Variants in CFI observed in about 807,000 individuals in gnomAD.
CFI encodes the protein complement factor I.
Under a neutral mutation model 78.8 loss-of-function variants are expected in CFI, and 66 were observed. The ratio of observed to expected loss-of-function variants is 0.84; its 90% CI spans 0.69 to 1.03. CFI has a LOEUF of 1.03. CFI is among the 50% of genes least tolerant of loss of function. CFI has a pLI of 0.00. For missense variants in CFI, 706 were observed against 704.5 expected (o/e 1.00, Z -0.02); for synonymous variants, 250 against 232.6 (o/e 1.07, Z -0.68).
At chr4:109,794,537 A>G (rs964425563) in intron 1 of CFI, 3 of 152,178 alleles carry the variant, frequency 2.0e-5, no homozygotes, top group African/African-American at 7.2e-5. Flanking sequence ...CATACCTGTA[A>G]TCCCAGCACT....
intron 1 of CFI, among the ~76,000 whole-genome samples, chr4:109,781,674 C>A (rs370346385): frequency 6.6e-6 from 1 of 152,054 alleles, no homozygotes. Context: ...CCAGCATCAC[C>A]CTTATACCAA....
chr4:109,753,047 ATTATATATTT>A (rs1725391900), intron 7 of CFI, among the ~76,000 whole-genome samples: 2 of 35,350 alleles, frequency 5.7e-5, no homozygotes, highest in African/African-American at 2.1e-4. Flanking sequence ...ATATATATTT[ATTATATATTT>A]ATATATAAAT....
chr4:109,745,508 T>G (rs994546903), intron 11 of CFI, among the ~76,000 whole-genome samples: 1 of 152,200 alleles, frequency 6.6e-6, no homozygotes, highest in Non-Finnish European at 1.5e-5. Flanking sequence ...TGTTGACTAG[T>G]TTAATTCTAA....
intron 8 of CFI, among the ~76,000 whole-genome samples, chr4:109,752,076 T>C (rs1162946466): frequency 2.0e-5 from 3 of 152,190 alleles, no homozygotes; most frequent in Non-Finnish European, 4.4e-5. Flanking sequence ...TTTAAAACAT[T>C]GTGAAAGAAT....
At chr4:109,783,649 T>C (rs1481664801) in intron 1 of CFI, among the ~76,000 whole-genome samples, 2 of 151,704 alleles carry the variant, frequency 1.3e-5, no homozygotes, top group East Asian at 3.9e-4. Flanking sequence ...AGAACTACCA[T>C]CAGATTCAGC....
At chr4:109,790,363 T>A (rs1731228850) in intron 1 of CFI, among the ~76,000 whole-genome samples, 1 of 152,158 alleles carries the variant, frequency 6.6e-6, no homozygotes, top group South Asian at 2.1e-4. Flanking sequence ...GCTCTTCCTT[T>A]TTCTAAAGAA....
intron 1 of CFI, among the ~76,000 whole-genome samples, chr4:109,790,158 T>C (rs1731205874): frequency 1.3e-5 from 2 of 152,060 alleles, no homozygotes; most frequent in African/African-American, 4.8e-5. Context: ...TAGTAATACC[T>C]CCAATTTCAC....
Position 109,746,491 on chromosome 4 carries a change from G to A in CFI, c.1160C>T (p.Thr387Ile), listed in dbSNP as rs1373768125. The stretch of plus-strand genomic sequence containing the variant: ...TGTTGTCCATATTTGGTAACGATGA[G>A]TTTTACTGGCTCTATAACAGAAAAA... ...TAAHCLRASK[T>I]HRYQIWTTVV... Residue 387 changes from threonine (T) to isoleucine (I), a missense_variant, in exon 11 of 13, where the codon ACT becomes ATT. Thr to Ile is a moderately conservative substitution (Grantham distance 89, BLOSUM62 -1). Transcript: ENST00000394634. The A allele has an allele frequency of 1.2e-6, 2 of 1,609,970 alleles. No homozygotes were observed. Among genetic ancestry groups the A allele is most frequent in the South Asian group, 2.2e-5 (2 of 90,606 alleles).
chr4:109,764,551 G>C lies in CFI; in HGVS notation c.468C>G (p.Asp156Glu), dbSNP rs1365092263. 1.9e-6 allele frequency: 3 copies of C among 1,613,948 alleles called. No homozygotes were observed. Among genetic ancestry groups the C allele is most frequent in the Non-Finnish European group, 1.7e-6 (2 of 1,180,014 alleles). ...SMREANVACL[D>E]LGFQQGADTQ... ...CAAGCGCTCACTGTTGAAACCCAAG[G>C]TCAAGGCAGGCCACGTTGGCTTCCC... The change falls in exon 3 of 13, where the codon GAC (aspartate) becomes GAG (glutamate). Residue 156 changes from aspartate to glutamate, a missense_variant. Transcript: ENST00000394634.
chr4:109,780,443 T>C (rs1020587332), intron 1 of CFI, among the ~76,000 whole-genome samples: 36 of 152,050 alleles, frequency 2.4e-4, no homozygotes, highest in African/African-American at 8.2e-4. Context: ...AAAACCACAA[T>C]GAGATACCAT....
At chr4:109,757,990 CAA>C in intron 6 of CFI, 2 of 1,424,176 alleles carry the variant, frequency 1.4e-6, no homozygotes. Context: ...CTCACTATAG[CAA>C]AGAGATCATT....
chr4:109,768,517 C>A lies in CFI; in HGVS notation c.58-1693G>T, dbSNP rs796848699. 2.6e-5 allele frequency among the ~76,000 whole-genome samples: 4 copies of A among 152,152 alleles called. No individual in the cohort carries two copies. In the South Asian group the frequency reaches 6.2e-4, roughly 24 times the overall value. ...GAAATACTATGTTTGTAATGGTTGA[C>A]AGGTACTAGGCATAAAATTAATGAG... On this transcript the variant is annotated intron_variant, in intron 1 of 12. Coordinates refer to ENST00000394634, the MANE Select transcript of CFI (RefSeq NM_000204.5).
At chr4:109,735,269 C>G in the CFI span, among the ~76,000 whole-genome samples, 1 of 152,100 alleles carries the variant, frequency 6.6e-6, no homozygotes, top group East Asian at 1.9e-4. Flanking sequence ...ACTATATTTT[C>G]TATATAGAAC....
intron 10 of CFI, among the ~76,000 whole-genome samples, chr4:109,747,316 C>G (rs888567949): frequency 6.6e-6 from 1 of 152,004 alleles, no homozygotes; most frequent in Non-Finnish European, 1.5e-5. Flanking sequence ...TCCCTAGTAA[C>G]TAGAACTACA....
chr4:109,801,398 A>C (rs1732756098), intron 1 of CFI, among the ~76,000 whole-genome samples: 1 of 152,246 alleles, frequency 6.6e-6, no homozygotes. Flanking sequence ...ACCTCTCAGC[A>C]TGAAGTGATT....
chr4:109,735,547 T>A, the CFI span, among the ~76,000 whole-genome samples: 2 of 152,234 alleles, frequency 1.3e-5, no homozygotes, highest in African/African-American at 4.8e-5. Context: ...TATTTTCCAA[T>A]GTCTCACTAA....
intron 7 of CFI, 88 bp downstream of exon 7, chr4:109,757,675 C>T: frequency 1.2e-6 from 1 of 846,238 alleles, no homozygotes; most frequent in Non-Finnish European, 1.9e-6. Context: ...TATCATGCTC[C>T]ATTAACAGTT....
intron 10 of CFI, among the ~76,000 whole-genome samples, chr4:109,747,235 G>A (rs904849814): frequency 2.0e-5 from 3 of 152,048 alleles, no homozygotes; most frequent in Non-Finnish European, 2.9e-5. Flanking sequence ...GCCTAAGCTG[G>A]AGTACAGTGG....
At position 109,753,228 on chromosome 4, in the gene CFI, A is replaced by AACATATATTTATT; in HGVS notation, c.905-726_905-725insAATAAATATATGT. Among the ~76,000 whole-genome samples, 2 of 598 alleles carry AACATATATTTATT rather than the reference A, an allele frequency of 3.3e-3. 1 individual carries two copies. The highest frequency in any genetic ancestry group is 0.17 in the Non-Finnish European group (2 of 12). 0.4% of individuals were successfully genotyped at this position (598 alleles called of 152,430 possible). A position where few individuals can be genotyped will look rare whatever the true frequency, so the allele number is the denominator to read the frequency against. ...TAATATATATTTATAATATATTTAT[A>AACATATATTTATT]ATATAAATAAATATTTATAATATAT... On this transcript the variant is annotated intron_variant, in intron 7 of 12. Coordinates refer to ENST00000394634, the MANE Select transcript of CFI (RefSeq NM_000204.5).
Sources: gnomAD v4.1 joint callset for allele counts (sites outside exome capture counted in the v4.1 genomes callset) on GRCh38, gnomAD v4.1.1 for gene constraint, MANE v1.5 for transcripts, NCBI Gene and HGNC (gene_info 2026-07-23, HGNC 2026-07-21) for gene names.